Variants in SPIRE1 observed in about 807,000 individuals in gnomAD.
The protein encoded by SPIRE1 is protein spire homolog 1.
Under a neutral mutation model 94.1 loss-of-function variants are expected in SPIRE1, and 40 were observed. The ratio of observed to expected loss-of-function variants is 0.43; its 90% CI spans 0.33 to 0.55. SPIRE1 has a LOEUF of 0.55. Among genes scored for constraint, SPIRE1 ranks in the 20% least tolerant of loss-of-function variants. The pLI is 0.06. For synonymous variants in SPIRE1, 376 were observed against 371.7 expected (o/e 1.01, Z -0.13); for missense variants, 838 against 975.2 (o/e 0.86, Z 1.87).
chr18:12,554,588 CT>C (rs1287530952), intron 2 of SPIRE1, among the ~76,000 whole-genome samples: 2 of 150,316 alleles, frequency 1.3e-5, no homozygotes, highest in East Asian at 3.9e-4. Context: ...ACCAATCCTT[CT>C]CAAACTATTC....
At chr18:12,467,341 A>T (rs1256631331) in intron 10 of SPIRE1, among the ~76,000 whole-genome samples, 1 of 152,162 alleles carries the variant, frequency 6.6e-6, no homozygotes, top group African/African-American at 2.4e-5. Flanking sequence ...TTTGGGACTT[A>T]TCATGAACAC....
chr18:12,498,689 T>C (rs1432211524), intron 6 of SPIRE1, among the ~76,000 whole-genome samples: 1 of 152,220 alleles, frequency 6.6e-6, no homozygotes, highest in African/African-American at 2.4e-5. Flanking sequence ...TGCAGTGGCG[T>C]GATCACAGCT....
intron 1 of SPIRE1, among the ~76,000 whole-genome samples, chr18:12,635,332 T>G (rs1350965906): frequency 6.6e-6 from 1 of 152,088 alleles, no homozygotes; most frequent in African/African-American, 2.4e-5. Flanking sequence ...TTAACTGTAA[T>G]AAGATCTAAA....
chr18:12,586,851 T>C (rs993286832), intron 2 of SPIRE1, among the ~76,000 whole-genome samples: 7 of 152,320 alleles, frequency 4.6e-5, no homozygotes, highest in Non-Finnish European at 1.0e-4. Flanking sequence ...AATTATAATG[T>C]AGGTTTTTTG....
chr18:12,617,271 G>T (rs2037337896), intron 2 of SPIRE1, among the ~76,000 whole-genome samples: 1 of 151,048 alleles, frequency 6.6e-6, no homozygotes, highest in South Asian at 2.1e-4. Flanking sequence ...CTGGAGTGCA[G>T]TGGTGTGATC....
At chr18:12,547,097 AC>A (rs150778690) in intron 2 of SPIRE1, among the ~76,000 whole-genome samples, 193 bp from the exon 3 acceptor site, 5,878 of 152,282 alleles carry the variant, frequency 0.039, 191 homozygotes, top group Middle Eastern at 0.061. Context: ...TAAAATATTA[AC>A]CGAGTTGATT....
intron 2 of SPIRE1, among the ~76,000 whole-genome samples, chr18:12,569,648 A>AC (rs2035915174): frequency 6.6e-6 from 1 of 151,386 alleles, no homozygotes; most frequent in Non-Finnish European, 1.5e-5. Context: ...AAAAAAAAAA[A>AC]CAAGAGAAAA....
intron 10 of SPIRE1, among the ~76,000 whole-genome samples, chr18:12,476,564 A>AAATAT (rs1568194404): frequency 2.9e-5 from 2 of 69,842 alleles, no homozygotes; most frequent in Non-Finnish European, 4.7e-5. Flanking sequence ...AAAAAAAAAA[A>AAATAT]ATATATATAT....
intron 2 of SPIRE1, among the ~76,000 whole-genome samples, chr18:12,609,878 C>T (rs12454322): frequency 0.29 from 43,529 of 151,648 alleles, 6,415 homozygotes; most frequent in Non-Finnish European, 0.32. Context: ...CCAGAAGTAA[C>T]GGTTCCCTAG....
intron 2 of SPIRE1, among the ~76,000 whole-genome samples, chr18:12,552,335 T>C (rs759319503): frequency 1.3e-5 from 2 of 152,082 alleles, no homozygotes; most frequent in Non-Finnish European, 2.9e-5. Context: ...ACTTGCACTA[T>C]CCCTCTCCCA....
At chr18:12,567,675 T>C (rs998680272) in intron 2 of SPIRE1, among the ~76,000 whole-genome samples, 39 of 152,264 alleles carry the variant, frequency 2.6e-4, no homozygotes, top group Non-Finnish European at 4.7e-4. Context: ...ATTAACAAAA[T>C]ATAAATTTTT....
chr18:12,641,027 C>T (rs776772319), intron 1 of SPIRE1, among the ~76,000 whole-genome samples: 1 of 152,124 alleles, frequency 6.6e-6, no homozygotes, highest in South Asian at 2.1e-4. Context: ...CAGCACTACA[C>T]GCGGGCGGCC....
intron 4 of SPIRE1, among the ~76,000 whole-genome samples, chr18:12,518,018 T>C (rs1437328763): frequency 2.0e-5 from 3 of 152,186 alleles, no homozygotes; most frequent in Non-Finnish European, 4.4e-5. Context: ...GAACAAACTT[T>C]TAATTAATTG....
chr18:12,622,429 T>TC (rs2037499563), intron 2 of SPIRE1, among the ~76,000 whole-genome samples: 2 of 144,996 alleles, frequency 1.4e-5, no homozygotes, highest in African/African-American at 5.0e-5. Context: ...GTCTTTTTTT[T>TC]TTTTTTTTTT....
In SPIRE1 at chr18:12,567,123, G is replaced by GTTA. The variant is rs1598479398; in HGVS notation, c.373-20220_373-20219insTAA. Among the ~76,000 whole-genome samples, 9 of 152,198 alleles carry GTTA rather than the reference G, an allele frequency of 5.9e-5. No homozygotes were observed. In the East Asian group the frequency reaches 1.7e-3, roughly 29 times the overall value. ...GGAACTAATAAGCAATTATAGCAAG[G>GTTA]TTGCAGGATACAAGGTTAATATACA... On this transcript the variant is annotated intron_variant, in intron 2 of 16. Coordinates refer to ENST00000409402, the MANE Select transcript of SPIRE1 (RefSeq NM_001128626.2).
intron 2 of SPIRE1, among the ~76,000 whole-genome samples, chr18:12,627,312 T>G (rs1429744615): frequency 6.6e-6 from 1 of 151,588 alleles, no homozygotes; most frequent in African/African-American, 2.4e-5. Context: ...ACATGTGGTG[T>G]TTGGTTTTCC....
At chr18:12,553,601 T>G (rs1254030259) in intron 2 of SPIRE1, among the ~76,000 whole-genome samples, 1 of 151,638 alleles carries the variant, frequency 6.6e-6, no homozygotes, top group Admixed American at 6.6e-5. Flanking sequence ...ATTTCTAAGG[T>G]TTCTGACTCC....
In SPIRE1 at chr18:12,602,272, T is replaced by C. The variant is rs79288634; in HGVS notation, c.372+32790A>G. Reference sequence around the variant, plus strand: ...GAAATGGTAGTAAAAAACAGATCAGTTGTAGTTTCATTCTGCTTCAGAACT... The same window carrying C: ...GAAATGGTAGTAAAAAACAGATCAGCTGTAGTTTCATTCTGCTTCAGAACT... On this transcript the variant is annotated intron_variant, in intron 2 of 16. Coordinates refer to ENST00000409402, the MANE Select transcript of SPIRE1 (RefSeq NM_001128626.2). 4.8e-3 allele frequency among the ~76,000 whole-genome samples: 730 copies of C among 152,202 alleles called. 17 individuals carry two copies. Among genetic ancestry groups the C allele is most frequent in the East Asian group, 0.011 (55 of 5,166 alleles).
intron 2 of SPIRE1, among the ~76,000 whole-genome samples, chr18:12,585,823 A>T (rs1399099564): frequency 6.6e-6 from 1 of 152,262 alleles, no homozygotes; most frequent in African/African-American, 2.4e-5. Flanking sequence ...ATATTTTTCT[A>T]GGAGAACACA....
Sources: gnomAD v4.1 joint callset for allele counts (sites outside exome capture counted in the v4.1 genomes callset) on GRCh38, gnomAD v4.1.1 for gene constraint, MANE v1.5 for transcripts, NCBI Gene and HGNC (gene_info 2026-07-23, HGNC 2026-07-21) for gene names.